Variants in CFAP161 observed in about 807,000 individuals in gnomAD.
CFAP161 encodes cilia and flagella associated protein 161.
CFAP161 carries 25 observed loss-of-function variants against 29.0 expected under a neutral mutation model. The observed-to-expected ratio is 0.86, with a 90% CI of 0.63 to 1.20. The LOEUF (loss-of-function observed/expected upper bound fraction) is 1.20. CFAP161 is among the 50% of genes most tolerant of loss of function. The probability of loss-of-function intolerance (pLI) is 0.00; values close to 1 mark genes in which losing one functional copy is unlikely to be tolerated. For missense variants in CFAP161, 367 were observed against 371.9 expected, an observed-to-expected ratio of 0.99 and a Z score of 0.11; for synonymous variants, 116 against 137.4, an observed-to-expected ratio of 0.84 and a Z score of 1.09.
intron 1 of CFAP161, among the ~76,000 whole-genome samples, chr15:81,134,888 G>A (rs1894781834): frequency 6.6e-6 from 1 of 152,168 alleles, no homozygotes; most frequent in African/African-American, 2.4e-5. Flanking sequence ...TCCCAAGGGT[G>A]GTCTTAACAA....
chr15:81,148,348 G>C lies in CFAP161; in HGVS notation c.721G>C (p.Gly241Arg), dbSNP rs1180982896. 1.2e-6 allele frequency: 2 copies of C among 1,609,376 alleles called. No homozygotes were observed. The highest frequency in any genetic ancestry group is 8.5e-7 in the Non-Finnish European group (1 of 1,176,040). ...TCTCTCTTGCTCCAGCACCTATTTT[G>C]GAAAGGAGGCTGAGGTTGTAGCTCA... ...HRHLFLSTYFGKEAEVVAHTY... is the reference protein window; with the variant it reads ...HRHLFLSTYFRKEAEVVAHTY... Residue 241 changes from glycine to arginine, a missense_variant, in exon 7 of 7, where the codon GGA becomes CGA. By Grantham distance (125) the Gly-to-Arg change is moderately radical. Coordinates refer to ENST00000286732, the MANE Select transcript of CFAP161 (RefSeq NM_173528.4).
intron 4 of CFAP161, among the ~76,000 whole-genome samples, chr15:81,141,753 C>T (rs943092215): frequency 1.3e-5 from 2 of 150,108 alleles, no homozygotes; most frequent in Admixed American, 6.6e-5. Flanking sequence ...GGTGTGATCT[C>T]GGCTCACTGC....
At chr15:81,138,467 T>C (rs1894850402) in intron 4 of CFAP161, among the ~76,000 whole-genome samples, 1 of 152,254 alleles carries the variant, frequency 6.6e-6, no homozygotes, top group Non-Finnish European at 1.5e-5. Context: ...CTGATACCTG[T>C]CAAATGTTGC....
intron 1 of CFAP161, among the ~76,000 whole-genome samples, chr15:81,103,595 C>T (rs1034052293): frequency 1.8e-4 from 27 of 152,176 alleles, no homozygotes; most frequent in Non-Finnish European, 2.4e-4. Context: ...GGAAGCGCCG[C>T]GTCCCGTCCC....
upstream of CFAP161, among the ~76,000 whole-genome samples, chr15:81,131,187 A>C (rs1217392613): frequency 1.3e-5 from 2 of 151,828 alleles, no homozygotes; most frequent in Non-Finnish European, 2.9e-5. Context: ...AATAAAGTGA[A>C]TTGCAATAAA....
At position 81,101,917 on chromosome 15, in the gene CFAP161, G is replaced by C. The variant is rs558465397; in HGVS notation, c.-141-25673G>C. Among the ~76,000 whole-genome samples, 5 of 152,154 alleles carry C rather than the reference G, an allele frequency of 3.3e-5. No individual in the cohort carries two copies. The South Asian group carries it at 1.0e-3, about 32-fold the overall frequency. Reference sequence around the variant, plus strand: ...CTCCAGGAATCTAATCATGTGCCTGGCCAACTGACCTCACTACCTCACTGC... The same window carrying C: ...CTCCAGGAATCTAATCATGTGCCTGCCCAACTGACCTCACTACCTCACTGC... On this transcript the variant is annotated intron_variant, in intron 1 of 4. Transcript: ENST00000560091.
chr15:81,140,779 G>C (rs1168848033), intron 4 of CFAP161, among the ~76,000 whole-genome samples: 1 of 152,036 alleles, frequency 6.6e-6, no homozygotes, highest in Non-Finnish European at 1.5e-5. Flanking sequence ...TAGAGACGGA[G>C]TTTCGCCATG....
intron 5 of CFAP161, 94 bp downstream of exon 5, chr15:81,143,914 C>T: frequency 1.5e-6 from 2 of 1,338,062 alleles, no homozygotes; most frequent in Admixed American, 2.4e-5. Flanking sequence ...GCTCAAATGC[C>T]TTATGACTTT....
chr15:81,136,458 G>A, intron 2 of CFAP161, 58 bp from the exon 3 acceptor site: 1 of 1,498,898 alleles, frequency 6.7e-7, no homozygotes, highest in Non-Finnish European at 9.3e-7. Flanking sequence ...AAATTGCCTT[G>A]GCAGTAACTG....
chr15:81,133,212 TATATATATATATGTA>T (rs1366153633), upstream of CFAP161, among the ~76,000 whole-genome samples: 1,101 of 45,748 alleles, frequency 0.024, 55 homozygotes, highest in Non-Finnish European at 0.031. Flanking sequence ...TATATATATA[TATATATATATATGTA>T]TTTTTTTTTA....
upstream of CFAP161, among the ~76,000 whole-genome samples, chr15:81,133,218 TATATATGTA>T (rs1170012538): frequency 0.026 from 876 of 33,302 alleles, 42 homozygotes; most frequent in Non-Finnish European, 0.039. Flanking sequence ...TATATATATA[TATATATGTA>T]TTTTTTTTTA....
chr15:81,143,751 T>C lies in CFAP161; in HGVS notation c.567T>C (p.His189=), dbSNP rs752204923. The C allele has an allele frequency of 5.0e-6, 8 of 1,613,998 alleles. No homozygotes were observed. In the Admixed American group the frequency reaches 1.0e-4, roughly 20 times the overall value. The part of the protein sequence containing the change: ...QEVYLTDEVS[H]VNCWQAAFPD... ...TGTACCTAACAGATGAGGTCTCCCATGTGAACTGCTGGCAGGCTGCCTTCC... is the reference window on the plus strand; with the variant it reads ...TGTACCTAACAGATGAGGTCTCCCACGTGAACTGCTGGCAGGCTGCCTTCC... The change falls in exon 5 of 7, where the codon CAT becomes CAC. Residue 189 remains histidine, a synonymous_variant. Transcript: ENST00000286732.
chr15:81,137,973 A>T, intron 3 of CFAP161, 78 bp from the exon 4 acceptor site: 1 of 1,039,542 alleles, frequency 9.6e-7, no homozygotes, highest in Non-Finnish European at 1.4e-6. Flanking sequence ...ACAAAATTGC[A>T]TGCATAAAAA....
In CFAP161 at chr15:81,103,952, T is replaced by A. The variant is rs116080820; in HGVS notation, c.-141-23638T>A. Among the ~76,000 whole-genome samples the A allele has an allele frequency of 6.4e-3, 898 of 139,740 alleles. 10 individuals carry two copies. Among genetic ancestry groups the A allele is most frequent in the African/African-American group, 0.021 (862 of 40,862 alleles). 91.7% of individuals were successfully genotyped at this position (139,740 alleles called of 152,430 possible). A position where few individuals can be genotyped will look rare whatever the true frequency, so the allele number is the denominator to read the frequency against. ...CTCATGTTTGGTCACAGATGTCCTC[T>A]TCTATGTTGATGGTTATTGTGGTGG... On this transcript the variant is annotated intron_variant, in intron 1 of 4. Coordinates refer to the CFAP161 transcript ENST00000560091.
At position 81,148,372 on chromosome 15, in the gene CFAP161, C is replaced by A. The variant is rs778644739; in HGVS notation, c.745C>A (p.His249Asn). ...YFGKEAEVVA[H>N]TYLDSHRVEK... ...TGGAAAGGAGGCTGAGGTTGTAGCT[C>A]ACACATACCTGGATTCACATAGAGT... Residue 249 changes from histidine (H) to asparagine (N), a missense_variant, in exon 7 of 7, where the codon CAC becomes AAC. Transcript: ENST00000286732. The A allele has an allele frequency of 1.9e-5, 31 of 1,613,902 alleles. No individual in the cohort carries two copies. Among genetic ancestry groups the A allele is most frequent in the Non-Finnish European group, 2.5e-5 (30 of 1,179,796 alleles).
At chr15:81,147,693 ATGT>A (rs1034524227) in intron 5 of CFAP161, among the ~76,000 whole-genome samples, 162 bp from the exon 6 acceptor site, 1 of 152,092 alleles carries the variant, frequency 6.6e-6, no homozygotes. Flanking sequence ...GCCAAATGAA[ATGT>A]TGTGAAGTGG....
intron 1 of CFAP161, among the ~76,000 whole-genome samples, chr15:81,114,950 T>C (rs1406194905): frequency 1.3e-5 from 2 of 151,950 alleles, no homozygotes; most frequent in East Asian, 3.9e-4. Flanking sequence ...GGCGCAAGGG[T>C]TTTTAAAATA....
Position 81,136,500 on chromosome 15 carries a change from A to G in CFAP161, c.160-16A>G, listed in dbSNP as rs888453713. ...AATTGCATGGTTTATGTAATAAACT[A>G]CTATCAAAATTGTAGATGCAACTTT... is the stretch of plus-strand genomic sequence containing the variant. On this transcript the variant is annotated splice_polypyrimidine_tract_variant and intron_variant, in intron 2 of 6. Coordinates refer to ENST00000286732, the MANE Select transcript of CFAP161 (RefSeq NM_173528.4). 8 of 1,609,614 alleles carry G rather than the reference A, an allele frequency of 5.0e-6. No homozygotes were observed. The highest frequency in any genetic ancestry group is 6.8e-6 in the Non-Finnish European group (8 of 1,175,908).
At chr15:81,132,849 C>A (rs1343603140), upstream of CFAP161, among the ~76,000 whole-genome samples, 4 of 152,090 alleles carry the variant, frequency 2.6e-5, no homozygotes, top group East Asian at 7.7e-4. Context: ...CAACTTTTAG[C>A]AGTTTGAATT....
Sources: allele counts gnomAD v4.1 joint callset (sites outside exome capture counted in the v4.1 genomes callset), GRCh38; gene constraint gnomAD v4.1.1; transcripts MANE v1.5; gene names NCBI Gene and HGNC (gene_info 2026-07-23, HGNC 2026-07-21).